Variants in GPC5 observed in about 807,000 individuals in gnomAD.
GPC5 encodes glypican 5.
Under a neutral mutation model 53.9 loss-of-function variants are expected in GPC5, and 47 were observed. That is an observed-to-expected ratio of 0.87 (90% CI 0.69 to 1.11). The LOEUF (loss-of-function observed/expected upper bound fraction) is 1.11. Ranked by LOEUF, GPC5 falls within the 50% of genes most tolerant of loss-of-function variation. The probability of loss-of-function intolerance (pLI) is 0.00; values close to 1 mark genes in which losing one functional copy is unlikely to be tolerated. For synonymous variants in GPC5, 286 were observed against 263.3 expected (o/e 1.09, Z -0.84); for missense variants, 748 against 713.1 (o/e 1.05, Z -0.56).
intron 7 of GPC5, among the ~76,000 whole-genome samples, chr13:92,317,791 G>A (rs73629662): frequency 1.3e-5 from 2 of 152,098 alleles, no homozygotes; most frequent in East Asian, 1.9e-4. Flanking sequence ...ATGAGCCACC[G>A]CACCCGGCCC....
chr13:92,578,201 G>A (rs1883249552), intron 7 of GPC5, among the ~76,000 whole-genome samples: 1 of 152,162 alleles, frequency 6.6e-6, no homozygotes, highest in Admixed American at 6.5e-5. Flanking sequence ...AAGAGGAACA[G>A]GGACATGGCT....
At chr13:91,651,089 T>C (rs968953818) in intron 2 of GPC5, among the ~76,000 whole-genome samples, 7 of 152,134 alleles carry the variant, frequency 4.6e-5, no homozygotes, top group African/African-American at 1.4e-4. Flanking sequence ...TGCCTTAATA[T>C]ATAAAGGTTA....
At chr13:92,523,484 A>G (rs956583690) in intron 7 of GPC5, among the ~76,000 whole-genome samples, 6 of 152,136 alleles carry the variant, frequency 3.9e-5, no homozygotes, top group Non-Finnish European at 7.4e-5. Flanking sequence ...TCCATCAAAT[A>G]TTTGAGAATT....
At chr13:91,974,056 T>C (rs1019332194) in intron 6 of GPC5, among the ~76,000 whole-genome samples, 46 of 152,196 alleles carry the variant, frequency 3.0e-4, no homozygotes, top group Non-Finnish European at 2.2e-4. Context: ...TGCTGTCTTT[T>C]CGTTTGTCTT....
intron 2 of GPC5, among the ~76,000 whole-genome samples, chr13:91,660,153 A>G (rs928144540): frequency 6.6e-6 from 1 of 152,210 alleles, no homozygotes; most frequent in African/African-American, 2.4e-5. Flanking sequence ...GAAACAGCAA[A>G]CAAAAAATTG....
intron 7 of GPC5, among the ~76,000 whole-genome samples, chr13:92,363,570 C>G (rs879926697): frequency 6.6e-6 from 1 of 151,738 alleles, no homozygotes; most frequent in African/African-American, 2.4e-5. Context: ...GTGGAGAGCT[C>G]AGTGGATAAT....
chr13:92,380,924 A>G (rs28377093), intron 7 of GPC5, among the ~76,000 whole-genome samples: 7,717 of 151,264 alleles, frequency 0.051, 624 homozygotes, highest in African/African-American at 0.17. Context: ...AAGAAAAAAA[A>G]GAAAAAAAAA....
At position 92,056,988 on chromosome 13, in the gene GPC5, T is replaced by C. The variant is rs927601947; in HGVS notation, c.1402-87842T>C. On this transcript the variant is annotated intron_variant, in intron 6 of 7. Transcript: ENST00000377067. Reference sequence around the variant, plus strand: ...AAAGACCTCTTACTCCCTCCTGTAATTGATTAAAAATTGACCATGAATTCT... The same window carrying C: ...AAAGACCTCTTACTCCCTCCTGTAACTGATTAAAAATTGACCATGAATTCT... Among the ~76,000 whole-genome samples, 7 of 152,186 alleles carry C rather than the reference T, an allele frequency of 4.6e-5. No individual in the cohort carries two copies. In the East Asian group the frequency reaches 5.8e-4, roughly 13 times the overall value.
At chr13:91,883,078 A>G (rs1289468491) in intron 5 of GPC5, among the ~76,000 whole-genome samples, 1 of 152,186 alleles carries the variant, frequency 6.6e-6, no homozygotes, top group African/African-American at 2.4e-5. Context: ...ATCATTAACT[A>G]GGGTGACTCA....
In GPC5 at chr13:91,487,190, G is replaced by T. The variant is rs539346038; in HGVS notation, c.325+38268G>T. On this transcript the variant is annotated intron_variant, in intron 2 of 7. Coordinates refer to ENST00000377067, the MANE Select transcript of GPC5 (RefSeq NM_004466.6). ...TAACGTGCACAAGGGGTGGAGATGG[G>T]GGGAAGTCACGGGTGTGATTACCCA... is the stretch of plus-strand genomic sequence containing the variant. Among the ~76,000 whole-genome samples the T allele has an allele frequency of 2.0e-4, 31 of 152,218 alleles. No homozygotes were observed. In the East Asian group the frequency reaches 4.1e-3, roughly 20 times the overall value.
intron 2 of GPC5, among the ~76,000 whole-genome samples, chr13:91,500,755 A>T (rs1312874045): frequency 6.6e-6 from 1 of 152,170 alleles, no homozygotes; most frequent in Admixed American, 6.5e-5. Context: ...TTACAGACTG[A>T]TATGGTTTGG....
chr13:92,246,472 A>G (rs551955141), intron 7 of GPC5, among the ~76,000 whole-genome samples: 1 of 152,242 alleles, frequency 6.6e-6, no homozygotes, highest in Admixed American at 6.5e-5. Flanking sequence ...AGTTGTAAAG[A>G]CAGATCTCTC....
At chr13:91,775,231 A>C (rs1187135876) in intron 5 of GPC5, among the ~76,000 whole-genome samples, 5 of 152,182 alleles carry the variant, frequency 3.3e-5, no homozygotes, top group Admixed American at 2.6e-4. Context: ...AGTTATGAAA[A>C]ATCCAGACTC....
chr13:92,839,058 G>T (rs1175044139), intron 7 of GPC5, among the ~76,000 whole-genome samples: 1 of 152,162 alleles, frequency 6.6e-6, no homozygotes, highest in African/African-American at 2.4e-5. Context: ...TAAACCACTT[G>T]GCAAGTGCCA....
intron 6 of GPC5, among the ~76,000 whole-genome samples, chr13:92,137,055 AGTT>A (rs2041789989): frequency 6.6e-6 from 1 of 151,530 alleles, no homozygotes; most frequent in East Asian, 1.9e-4. Context: ...ACGTTCCGAA[AGTT>A]GTTTTTTTTT....
chr13:91,687,442 T>A (rs961945580), intron 2 of GPC5, among the ~76,000 whole-genome samples: 5 of 152,010 alleles, frequency 3.3e-5, no homozygotes, highest in African/African-American at 1.2e-4. Flanking sequence ...AAATTAAGAT[T>A]AACGGAATGT....
intron 5 of GPC5, among the ~76,000 whole-genome samples, chr13:91,817,175 T>C (rs1047304334): frequency 2.6e-5 from 4 of 152,220 alleles, no homozygotes; most frequent in African/African-American, 9.6e-5. Context: ...CAAAATGCAA[T>C]GCCAGCTCTT....
At chr13:92,628,254 C>CTTTCTTT (rs1344894265) in intron 7 of GPC5, among the ~76,000 whole-genome samples, 5 of 59,632 alleles carry the variant, frequency 8.4e-5, no homozygotes, top group African/African-American at 2.9e-4. Flanking sequence ...TTTTCTTTTT[C>CTTTCTTT]TTTTTCTTTC....
intron 1 of GPC5, among the ~76,000 whole-genome samples, chr13:91,433,052 T>C (rs575824523): frequency 2.0e-5 from 3 of 152,292 alleles, no homozygotes; most frequent in South Asian, 4.1e-4. Flanking sequence ...TCTTATCCTA[T>C]TGGAGCTCAT....
Sources: gnomAD v4.1 joint callset for allele counts (sites outside exome capture counted in the v4.1 genomes callset) on GRCh38, gnomAD v4.1.1 for gene constraint, MANE v1.5 for transcripts, NCBI Gene and HGNC (gene_info 2026-07-23, HGNC 2026-07-21) for gene names.